Variants in ALDH3B2 observed in about 807,000 individuals in gnomAD.
The protein encoded by ALDH3B2 is aldehyde dehydrogenase 3 family member B2, also known as aldehyde dehydrogenase family 3 member B2.
A neutral mutation model predicts 36.7 loss-of-function variants in ALDH3B2; 45 were observed. The observed-to-expected ratio is 1.23, with a 90% CI of 0.97 to 1.57. The LOEUF is 1.57. Ranked by LOEUF, ALDH3B2 falls within the 40% of genes most tolerant of loss-of-function variation. The pLI, the probability that ALDH3B2 is intolerant of heterozygous loss-of-function variation, is 0.00. For missense variants in ALDH3B2, 464 were observed against 513.3 expected (o/e 0.90, Z 0.93); for synonymous variants, 217 against 226.5 (o/e 0.96, Z 0.38).
chr11:67,678,198 A>C (rs1008631857), upstream of ALDH3B2, among the ~76,000 whole-genome samples: 2 of 152,170 alleles, frequency 1.3e-5, no homozygotes, highest in Admixed American at 1.3e-4. Flanking sequence ...GAGGCATCAT[A>C]CTACCTACCT....
Position 67,666,391 on chromosome 11 carries a change from CA to C in ALDH3B2, c.161del (p.Val54GlyfsTer3), listed in dbSNP as rs1242662739. 1.2e-6 allele frequency: 2 copies of C among 1,606,652 alleles called. No homozygotes were observed. Among genetic ancestry groups the C allele is most frequent in the African/African-American group, 2.7e-5 (2 of 74,788 alleles). On this transcript the variant is annotated frameshift_variant, in exon 5 of 10. Coordinates refer to ENST00000349015, the Ensembl canonical transcript of ALDH3B2. LOFTEE classifies it high-confidence loss of function. ...GGCTGATTTCTGACGGCTTCAGCAC[CA>C]CGCAACTCCCTGCAGGGGCAGATGG...
upstream of ALDH3B2, among the ~76,000 whole-genome samples, chr11:67,676,691 T>C (rs897413244): frequency 6.6e-6 from 1 of 151,884 alleles, no homozygotes; most frequent in South Asian, 2.1e-4. Context: ...TAAATAAAAT[T>C]GATAGATCAT....
chr11:67,666,388 C>T (rs1407840948), exon 5 of ALDH3B2: 2 of 1,606,580 alleles, frequency 1.2e-6, no homozygotes, highest in Non-Finnish European at 1.7e-6. Context: ...ACGGCTTCAG[C>T]ACCACGCAAC....
intron 3 of ALDH3B2, 35 bp downstream of exon 3, chr11:67,666,871 G>A: frequency 6.2e-7 from 1 of 1,614,116 alleles, no homozygotes; most frequent in Non-Finnish European, 8.5e-7. Context: ...CCGGTGCCCT[G>A]CCCTGCCCTC....
chr11:67,667,278 G>A (rs1486150069), intron 2 of ALDH3B2, among the ~76,000 whole-genome samples, 195 bp downstream of exon 2: 2 of 64,092 alleles, frequency 3.1e-5, no homozygotes, highest in African/African-American at 7.4e-5. Flanking sequence ...CATGGAGCCT[G>A]CATCACAGGG....
chr11:67,665,491 T>C (rs1224877653), exon 7 of ALDH3B2: 1 of 1,613,978 alleles, frequency 6.2e-7, no homozygotes, highest in Admixed American at 1.7e-5. Flanking sequence ...CAGGACGTAG[T>C]CAGGGGCCAC....
rs374696957 is a variant in ALDH3B2, at chr11:67,666,085, C to T, written c.319+37G>A. The T allele has an allele frequency of 3.7e-6, 6 of 1,609,414 alleles. No individual in the cohort carries two copies. In the African/African-American group the frequency reaches 5.3e-5, roughly 14 times the overall value. ...TCCCACCCTCTCTCCTGATGATCCC[C>T]TCCACCTACTCTGGGACCCTGGCCT... On this transcript the variant is annotated intron_variant, in intron 6 of 9. Transcript: ENST00000349015.
exon 2 of ALDH3B2, chr11:67,667,490 C>T (rs1855953796): frequency 5.1e-6 from 2 of 388,710 alleles, no homozygotes; most frequent in South Asian, 7.2e-5. Context: ...AGGTCCTGGG[C>T]CAGCACGTCG....
intron 6 of ALDH3B2, 150 bp from the exon 7 acceptor site, chr11:67,665,821 AC>A: frequency 7.9e-7 from 1 of 1,265,916 alleles, no homozygotes; most frequent in Non-Finnish European, 1.1e-6. Flanking sequence ...ACTGGCCTTG[AC>A]CACACACTCC....
At chr11:67,666,048 C>T in intron 6 of ALDH3B2, 74 bp downstream of exon 6, 1 of 1,558,166 alleles carries the variant, frequency 6.4e-7, no homozygotes, top group Non-Finnish European at 8.8e-7. Flanking sequence ...CAGCCTCCTC[C>T]CTCCACAACC....
At chr11:67,671,737 G>A (rs562968913) in intron 1 of ALDH3B2, among the ~76,000 whole-genome samples, 1 of 151,172 alleles carries the variant, frequency 6.6e-6, no homozygotes, top group East Asian at 2.0e-4. Flanking sequence ...GTAGAGATGG[G>A]GTTTCTCCAT....
Position 67,664,579 on chromosome 11 carries a change from C to T in ALDH3B2, c.707-17G>A, listed in dbSNP as rs182885648. 0.014 allele frequency: 22,088 copies of T among 1,611,774 alleles called. 201 individuals carry two copies. The highest frequency in any genetic ancestry group is 0.017 in the Non-Finnish European group (19,471 of 1,179,772). Reference sequence around the variant, plus strand: ...CCGTGGGGGCTGCGGGCACCAGAGACGGCTCAGCCCTGGGGCCACAGTCAG... The same window carrying T: ...CCGTGGGGGCTGCGGGCACCAGAGATGGCTCAGCCCTGGGGCCACAGTCAG... On this transcript the variant is annotated splice_polypyrimidine_tract_variant and intron_variant, in intron 7 of 9. Coordinates refer to ENST00000349015, the Ensembl canonical transcript of ALDH3B2.
chr11:67,667,550 G>T, exon 2 of ALDH3B2: 1 of 381,728 alleles, frequency 2.6e-6, no homozygotes, highest in Non-Finnish European at 4.7e-6. Flanking sequence ...CCCTGGAGCT[G>T]CGCAGCCCGG....
chr11:67,673,461 C>T (rs1263062205), intron 1 of ALDH3B2, among the ~76,000 whole-genome samples: 2 of 152,230 alleles, frequency 1.3e-5, no homozygotes, highest in African/African-American at 2.4e-5. Context: ...CTGGCTCTGA[C>T]TGCTGCGGGG....
At position 67,663,712 on chromosome 11, in the gene ALDH3B2, T is replaced by C. The variant is rs1449405095; in HGVS notation, c.923A>G (p.Asn308Ser). ...CAGAGATATGTAGGTGAAGCCCTCATTGCCTCCAAAGCTGCCGCTGCTGGT... is the reference window on the plus strand; with the variant it reads ...CAGAGATATGTAGGTGAAGCCCTCACTGCCTCCAAAGCTGCCGCTGCTGGT... The change falls in exon 9 of 10, where the codon AAT (asparagine) becomes AGT (serine). Residue 308 changes from asparagine to serine, a missense_variant. Physicochemically the swap from Asn to Ser is conservative, Grantham distance 46. Transcript: ENST00000349015. 5.0e-6 allele frequency: 8 copies of C among 1,613,068 alleles called. No individual in the cohort carries two copies. In the African/African-American group the frequency reaches 9.3e-5, roughly 19 times the overall value.
chr11:67,664,503 C>G, exon 8 of ALDH3B2: 1 of 1,614,016 alleles, frequency 6.2e-7, no homozygotes, highest in South Asian at 1.1e-5. Flanking sequence ...AGGATGGGCC[C>G]GAAGATCTCC....
upstream of ALDH3B2, among the ~76,000 whole-genome samples, chr11:67,674,937 C>T (rs193160191): frequency 3.9e-4 from 59 of 152,264 alleles, no homozygotes; most frequent in East Asian, 7.3e-3. Flanking sequence ...ATGCTGCCTT[C>T]GCCAGGAAGT....
intron 6 of ALDH3B2, 149 bp from the exon 7 acceptor site, chr11:67,665,820 G>T: frequency 1.6e-6 from 2 of 1,264,654 alleles, no homozygotes; most frequent in East Asian, 2.3e-5. Context: ...AACTGGCCTT[G>T]ACCACACACT....
intron 7 of ALDH3B2, 77 bp from the exon 8 acceptor site, chr11:67,664,639 G>A: frequency 6.4e-7 from 1 of 1,564,312 alleles, no homozygotes; most frequent in Non-Finnish European, 8.6e-7. Flanking sequence ...GGTGGGGACA[G>A]GGGCATGGGC....
Sources: gnomAD v4.1 joint callset for allele counts (sites outside exome capture counted in the v4.1 genomes callset) on GRCh38, gnomAD v4.1.1 for gene constraint, MANE v1.5 for transcripts, NCBI Gene and HGNC (gene_info 2026-07-23, HGNC 2026-07-21) for gene names.